ANKS1B: variants seen among roughly 807,000 people sequenced by gnomAD.
ANKS1B encodes the protein ankyrin repeat and sterile alpha motif domain containing 1B, also known as ankyrin repeat and sterile alpha motif domain-containing protein 1B.
In ANKS1B, 36 loss-of-function variants were observed where a neutral mutation model predicts 148.3. The observed-to-expected ratio is 0.24, with a 90% CI of 0.19 to 0.32. The LOEUF (loss-of-function observed/expected upper bound fraction) is 0.32. Ranked by LOEUF, ANKS1B falls within the 10% of genes least tolerant of loss-of-function variation. ANKS1B has a pLI of 1.00. For missense variants in ANKS1B, 1,157 were observed against 1,542.6 expected (o/e 0.75, Z 4.19); for synonymous variants, 542 against 560.8 (o/e 0.97, Z 0.47).
In ANKS1B at chr12:98,772,587, A is replaced by G. The variant is rs140937164; in HGVS notation, c.3579+455T>C. Among the ~76,000 whole-genome samples the G allele has an allele frequency of 1.3e-3, 202 of 152,290 alleles. 5 individuals are homozygous for G. The East Asian group carries it at 0.035, about 26-fold the overall frequency. ...GTGCAGGGGAACTCCCATTTATAAA[A>G]CCATCAGATCTTGCGACACTTACTC... On this transcript the variant is annotated intron_variant, in intron 25 of 26. Transcript: ENST00000683438.
chr12:99,643,470 A>T (rs535791585), intron 9 of ANKS1B, among the ~76,000 whole-genome samples: 4 of 152,348 alleles, frequency 2.6e-5, no homozygotes, highest in African/African-American at 9.6e-5. Context: ...CAACTGGGCA[A>T]ACTCCATTAG....
intron 10 of ANKS1B, among the ~76,000 whole-genome samples, chr12:99,487,884 T>C (rs2096514303): frequency 6.6e-6 from 1 of 152,178 alleles, no homozygotes; most frequent in Non-Finnish European, 1.5e-5. Context: ...TTATATTTCT[T>C]CATTTGTCAA....
intron 14 of ANKS1B, among the ~76,000 whole-genome samples, chr12:99,172,861 AAAAT>A (rs1277056939): frequency 1.3e-4 from 20 of 152,206 alleles, no homozygotes. Flanking sequence ...AATATTAGTG[AAAAT>A]AAATATTAGC....
At chr12:98,959,410 T>C (rs537582501) in intron 17 of ANKS1B, among the ~76,000 whole-genome samples, 6 of 152,232 alleles carry the variant, frequency 3.9e-5, no homozygotes, top group African/African-American at 1.4e-4. Context: ...TGGGCATGTG[T>C]CTCTTCCTGC....
chr12:99,256,285 A>C (rs917067692), intron 12 of ANKS1B, among the ~76,000 whole-genome samples: 1 of 151,890 alleles, frequency 6.6e-6, no homozygotes, highest in African/African-American at 2.4e-5. Flanking sequence ...AAAAAGTCTA[A>C]AGTTAAATAA....
At chr12:99,335,457 AT>A (rs74994084) in intron 12 of ANKS1B, among the ~76,000 whole-genome samples, 12 of 151,052 alleles carry the variant, frequency 7.9e-5, no homozygotes, top group African/African-American at 2.7e-4. Context: ...TATTCATTCT[AT>A]TTTTTTTAAC....
intron 9 of ANKS1B, among the ~76,000 whole-genome samples, chr12:99,652,705 T>G (rs79502477): frequency 0.019 from 2,850 of 152,224 alleles, 85 homozygotes; most frequent in East Asian, 0.066. Context: ...CTAGTTTTAA[T>G]TTAATAATGG....
chr12:99,310,369 G>A (rs1353866570), intron 12 of ANKS1B, among the ~76,000 whole-genome samples: 1 of 152,010 alleles, frequency 6.6e-6, no homozygotes, highest in East Asian at 1.9e-4. Context: ...TTTATGTGAG[G>A]GTATTTCTGA....
intron 16 of ANKS1B, among the ~76,000 whole-genome samples, chr12:99,072,854 G>C (rs2153592353): frequency 6.6e-6 from 1 of 152,318 alleles, no homozygotes. Flanking sequence ...CACGAGGACA[G>C]TGACCTTGTA....
At chr12:99,013,629 A>G (rs1314479839) in intron 17 of ANKS1B, among the ~76,000 whole-genome samples, 3 of 152,218 alleles carry the variant, frequency 2.0e-5, no homozygotes, top group Non-Finnish European at 2.9e-5. Context: ...ATCTCAGTCC[A>G]AAAGCTTCTT....
chr12:99,392,273 A>G (rs2094100939), intron 12 of ANKS1B, among the ~76,000 whole-genome samples: 1 of 152,256 alleles, frequency 6.6e-6, no homozygotes, highest in African/African-American at 2.4e-5. Flanking sequence ...TAATTAAAAC[A>G]CAGGCCTTCA....
chr12:98,760,816 C>T (rs555766033), intron 25 of ANKS1B, among the ~76,000 whole-genome samples: 105 of 152,286 alleles, frequency 6.9e-4, no homozygotes, highest in Non-Finnish European at 1.2e-3. Flanking sequence ...AATGTTGTTA[C>T]GTGGATATTA....
chr12:98,795,541 A>C, intron 22 of ANKS1B: 1 of 412,766 alleles, frequency 2.4e-6, no homozygotes, highest in Non-Finnish European at 4.7e-6. Flanking sequence ...ATCTAGAAGC[A>C]GAGGAATCCC....
chr12:99,564,682 G>A (rs2097370753), intron 9 of ANKS1B, among the ~76,000 whole-genome samples: 1 of 151,984 alleles, frequency 6.6e-6, no homozygotes, highest in African/African-American at 2.4e-5. Context: ...TCCCTTACAA[G>A]ACTAACTTTT....
chr12:99,322,323 G>T (rs537118801), intron 12 of ANKS1B, among the ~76,000 whole-genome samples: 19 of 151,824 alleles, frequency 1.3e-4, no homozygotes, highest in Non-Finnish European at 2.4e-4. Context: ...ATGGACACAG[G>T]GGGGTGAACA....
chr12:99,887,324 A>C (rs1485610111), intron 1 of ANKS1B, among the ~76,000 whole-genome samples: 2 of 152,268 alleles, frequency 1.3e-5, no homozygotes, highest in Non-Finnish European at 2.9e-5. Flanking sequence ...GGTACAAGAT[A>C]AAGAATGTAA....
chr12:98,986,243 G>T (rs1270696093), intron 17 of ANKS1B, among the ~76,000 whole-genome samples: 5 of 151,364 alleles, frequency 3.3e-5, no homozygotes, highest in Admixed American at 3.3e-4. Context: ...TCTGTGGTCT[G>T]TTATCTTTAT....
chr12:99,236,014 T>C (rs1224161390), intron 14 of ANKS1B, among the ~76,000 whole-genome samples: 3 of 152,230 alleles, frequency 2.0e-5, no homozygotes, highest in African/African-American at 7.2e-5. Context: ...GGCATATTTG[T>C]TGAGCTCTGC....
intron 12 of ANKS1B, among the ~76,000 whole-genome samples, chr12:99,396,816 C>T (rs1406216668): frequency 2.6e-5 from 4 of 152,086 alleles, no homozygotes; most frequent in Non-Finnish European, 4.4e-5. Context: ...AAAACCGATT[C>T]TTACCTGTTG....
Sources: allele counts gnomAD v4.1 joint callset (sites outside exome capture counted in the v4.1 genomes callset), GRCh38; gene constraint gnomAD v4.1.1; transcripts MANE v1.5; gene names NCBI Gene and HGNC (gene_info 2026-07-23, HGNC 2026-07-21).